RBM6: variants seen among roughly 807,000 people sequenced by gnomAD.
RBM6 encodes the protein RNA binding motif protein 6.
In RBM6, 23 loss-of-function variants were observed where a neutral mutation model predicts 140.4. The ratio of observed to expected loss-of-function variants is 0.16; its 90% CI spans 0.12 to 0.23. The LOEUF is 0.23. Among genes scored for constraint, RBM6 ranks in the 10% least tolerant of loss-of-function variants. RBM6 has a pLI of 1.00. For synonymous variants in RBM6, 439 were observed against 475.6 expected (o/e 0.92, Z 1.00); for missense variants, 1,139 against 1,386.7 (o/e 0.82, Z 2.84).
chr3:49,965,463 A>T (rs2084464840), intron 2 of RBM6, among the ~76,000 whole-genome samples: 2 of 151,628 alleles, frequency 1.3e-5, no homozygotes, highest in Admixed American at 1.3e-4. Flanking sequence ...AGGTCAGGAG[A>T]TCAAGACCAT....
chr3:50,067,635 T>C (rs879548364), intron 17 of RBM6, among the ~76,000 whole-genome samples: 1 of 152,228 alleles, frequency 6.6e-6, no homozygotes, highest in Non-Finnish European at 1.5e-5. Context: ...ACTTGGGATG[T>C]TAAACCGACA....
intron 1 of RBM6, among the ~76,000 whole-genome samples, chr3:49,961,055 A>G (rs1348720448): frequency 2.0e-5 from 3 of 151,830 alleles, no homozygotes; most frequent in African/African-American, 4.8e-5. Context: ...GAGACTACAC[A>G]TAGTCATCAT....
At chr3:50,043,006 A>G (rs2526748) in intron 6 of RBM6, among the ~76,000 whole-genome samples, 80,533 of 152,006 alleles carry the variant, frequency 0.53, 21,998 homozygotes, top group East Asian at 0.86. Context: ...TCTGGAGTGC[A>G]AATATCTAGC....
intron 1 of RBM6, among the ~76,000 whole-genome samples, chr3:49,957,862 C>T (rs1237829689): frequency 8.2e-5 from 12 of 146,986 alleles, no homozygotes; most frequent in African/African-American, 3.0e-4. Context: ...GATGGAGTCT[C>T]GCTCTTTCGC....
intron 5 of RBM6, among the ~76,000 whole-genome samples, chr3:49,986,152 A>C (rs971155976): frequency 4.6e-5 from 7 of 150,852 alleles, no homozygotes. Flanking sequence ...AAGCCTAAGT[A>C]ATTTTTGTAT....
intron 6 of RBM6, among the ~76,000 whole-genome samples, chr3:50,040,373 G>C (rs2088813188): frequency 1.4e-5 from 2 of 145,864 alleles, no homozygotes; most frequent in African/African-American, 5.1e-5. Context: ...ATGAACCCGG[G>C]AGGCAGAGCT....
At chr3:50,018,866 G>A (rs1214495414) in intron 6 of RBM6, among the ~76,000 whole-genome samples, 2 of 152,056 alleles carry the variant, frequency 1.3e-5, no homozygotes, top group Non-Finnish European at 2.9e-5. Context: ...TGGGATTACA[G>A]GCGTAAGCCA....
chr3:50,038,407 T>C (rs1165011965), intron 6 of RBM6, among the ~76,000 whole-genome samples: 1 of 152,236 alleles, frequency 6.6e-6, no homozygotes, highest in Non-Finnish European at 1.5e-5. Context: ...TTTTTCTCTA[T>C]AGTGATTCAG....
At chr3:50,058,285 C>A in intron 9 of RBM6, 117 bp from the exon 10 acceptor site, 1 of 1,198,122 alleles carries the variant, frequency 8.3e-7, no homozygotes, top group South Asian at 1.4e-5. Flanking sequence ...CATTTTTTTA[C>A]AGAACCAGCC....
intron 6 of RBM6, chr3:50,047,222 A>G (rs984117395): frequency 1.4e-5 from 14 of 985,210 alleles, no homozygotes; most frequent in Non-Finnish European, 1.7e-5. Context: ...CCAATTGCAA[A>G]GAAATGGCTT....
At chr3:50,047,385 C>G in intron 6 of RBM6, 2 of 938,116 alleles carry the variant, frequency 2.1e-6, no homozygotes, top group Non-Finnish European at 2.5e-6. Flanking sequence ...GAATTTTTTT[C>G]CCCTGCACCA....
chr3:49,983,890 G>C (rs1362291031), intron 5 of RBM6, among the ~76,000 whole-genome samples: 1 of 152,178 alleles, frequency 6.6e-6, no homozygotes, highest in Non-Finnish European at 1.5e-5. Flanking sequence ...GGAAGAATCT[G>C]TGATTCAGTG....
chr3:49,947,125 G>T (rs2083524085), intron 1 of RBM6, among the ~76,000 whole-genome samples: 1 of 149,740 alleles, frequency 6.7e-6, no homozygotes, highest in South Asian at 2.1e-4. Context: ...AGTGGCAGGC[G>T]CCTGTAGTCC....
intron 5 of RBM6, among the ~76,000 whole-genome samples, chr3:49,986,804 C>G (rs2108689333): frequency 8.1e-6 from 1 of 123,092 alleles, no homozygotes; most frequent in Admixed American, 9.5e-5. Context: ...CTTTTCTTTT[C>G]TTTCAGAGTT....
intron 1 of RBM6, among the ~76,000 whole-genome samples, chr3:49,945,337 C>T (rs1355230736): frequency 6.6e-6 from 1 of 152,012 alleles, no homozygotes; most frequent in Non-Finnish European, 1.5e-5. Context: ...GCCACCATGC[C>T]TAACTAATTT....
At chr3:49,952,394 G>T (rs1475398912) in intron 1 of RBM6, among the ~76,000 whole-genome samples, 5 of 151,938 alleles carry the variant, frequency 3.3e-5, no homozygotes, top group Admixed American at 6.6e-5. Flanking sequence ...TCAGACTCCT[G>T]ACCTCAAGTG....
chr3:49,975,070 T>C (rs932166393), intron 4 of RBM6, among the ~76,000 whole-genome samples: 1 of 151,474 alleles, frequency 6.6e-6, no homozygotes, highest in African/African-American at 2.4e-5. Flanking sequence ...AACATGTGGC[T>C]TTAAGCAATC....
chr3:50,059,790 G>A (rs1261724570), intron 11 of RBM6, 44 bp downstream of exon 11: 1 of 1,484,454 alleles, frequency 6.7e-7, no homozygotes, highest in Admixed American at 1.9e-5. Flanking sequence ...CCCCACTTGT[G>A]TTTTTGAGAG....
At chr3:50,021,261 A>G (rs2087466065) in intron 6 of RBM6, among the ~76,000 whole-genome samples, 2 of 152,174 alleles carry the variant, frequency 1.3e-5, no homozygotes, top group South Asian at 4.1e-4. Flanking sequence ...CTATCTGTGT[A>G]TCTATCTGTA....
Sources: gnomAD v4.1 joint callset for allele counts (sites outside exome capture counted in the v4.1 genomes callset) on GRCh38, gnomAD v4.1.1 for gene constraint, MANE v1.5 for transcripts, NCBI Gene and HGNC (gene_info 2026-07-23, HGNC 2026-07-21) for gene names.